The following UBTD1 variants were observed in gnomAD, a reference collection of about 807,000 sequenced individuals.
UBTD1 encodes ubiquitin domain-containing protein 1.
In UBTD1, 19 loss-of-function variants were observed where a neutral mutation model predicts 21.7. The observed-to-expected ratio is 0.87, with a 90% CI of 0.61 to 1.28. UBTD1 has a LOEUF of 1.28. Ranked by LOEUF, UBTD1 falls within the 50% of genes most tolerant of loss-of-function variation. UBTD1 has a pLI of 0.00. For missense variants in UBTD1, 282 were observed against 315.1 expected (o/e 0.89, Z 0.80); for synonymous variants, 116 against 135.1 (o/e 0.86, Z 0.98).
chr10:97,547,954 C>T (rs1374714148), intron 1 of UBTD1, among the ~76,000 whole-genome samples: 5 of 152,096 alleles, frequency 3.3e-5, no homozygotes, highest in South Asian at 2.1e-4. Flanking sequence ...ATTACTGACT[C>T]GGCTTGGTTA....
intron 1 of UBTD1, among the ~76,000 whole-genome samples, chr10:97,538,255 G>T (rs1182525455): frequency 6.6e-6 from 1 of 152,198 alleles, no homozygotes; most frequent in African/African-American, 2.4e-5. Flanking sequence ...ACTTTGGGAG[G>T]CTGAGGTGAG....
intron 1 of UBTD1, among the ~76,000 whole-genome samples, chr10:97,526,749 G>C (rs904546308): frequency 1.3e-5 from 2 of 151,680 alleles, no homozygotes; most frequent in African/African-American, 4.9e-5. Flanking sequence ...TACTTGGGAG[G>C]CTGAAGCAGG....
chr10:97,503,569 G>A (rs1446740942), intron 1 of UBTD1, among the ~76,000 whole-genome samples: 1 of 152,196 alleles, frequency 6.6e-6, no homozygotes, highest in East Asian at 1.9e-4. Flanking sequence ...AGCTCGGGGT[G>A]GACAGACCCA....
chr10:97,548,699 C>T (rs553791770), intron 1 of UBTD1, among the ~76,000 whole-genome samples: 1 of 152,302 alleles, frequency 6.6e-6, no homozygotes, highest in East Asian at 1.9e-4. Flanking sequence ...ATCACTTGAA[C>T]CCAGGAGGTG....
At chr10:97,505,017 T>C (rs2040392436) in intron 1 of UBTD1, among the ~76,000 whole-genome samples, 1 of 152,220 alleles carries the variant, frequency 6.6e-6, no homozygotes, top group East Asian at 1.9e-4. Flanking sequence ...CCATTTTATG[T>C]GTGCACCTAT....
In UBTD1 at chr10:97,543,416, G is replaced by C. The variant is rs769005112; in HGVS notation, c.71-24498G>C. Among the ~76,000 whole-genome samples the C allele has an allele frequency of 3.3e-5, 5 of 152,244 alleles. No homozygotes were observed. In the South Asian group the frequency reaches 8.3e-4, roughly 25 times the overall value. On this transcript the variant is annotated intron_variant, in intron 1 of 2. Coordinates refer to ENST00000370664, the MANE Select transcript of UBTD1 (RefSeq NM_024954.5). ...GTTGTTCCACAAACCCAGTGTTGTG[G>C]TCCTGAGCCATGCCACATGAAGGAG...
chr10:97,518,533 C>T (rs571326513), intron 1 of UBTD1, among the ~76,000 whole-genome samples: 1 of 152,330 alleles, frequency 6.6e-6, no homozygotes, highest in South Asian at 2.1e-4. Flanking sequence ...GTTCATTTTC[C>T]CTCCACGGAG....
intron 1 of UBTD1, among the ~76,000 whole-genome samples, chr10:97,528,542 C>T (rs1243079908): frequency 8.5e-5 from 8 of 94,518 alleles, no homozygotes; most frequent in Admixed American, 7.3e-4. Context: ...CCCAACCTCC[C>T]TCCCGGACGG....
intron 1 of UBTD1, among the ~76,000 whole-genome samples, chr10:97,500,824 C>T (rs899497214): frequency 6.6e-6 from 1 of 152,186 alleles, no homozygotes; most frequent in Non-Finnish European, 1.5e-5. Flanking sequence ...TGGGAATACC[C>T]CTATGCTTAA....
intron 1 of UBTD1, among the ~76,000 whole-genome samples, chr10:97,537,820 CTTTTTTTTT>C (rs57859135): frequency 1.8e-4 from 21 of 119,498 alleles, no homozygotes; most frequent in Non-Finnish European, 3.3e-4. Flanking sequence ...CAGGCTTTCT[CTTTTTTTTT>C]TTTTTTTTTT....
At chr10:97,536,948 G>C (rs1194924350) in intron 1 of UBTD1, among the ~76,000 whole-genome samples, 2 of 152,128 alleles carry the variant, frequency 1.3e-5, no homozygotes, top group African/African-American at 4.8e-5. Flanking sequence ...CTCCCTTGGA[G>C]GGGCTGACCT....
chr10:97,524,064 C>T (rs922480386), intron 1 of UBTD1, among the ~76,000 whole-genome samples: 5 of 152,274 alleles, frequency 3.3e-5, no homozygotes, highest in South Asian at 4.1e-4. Flanking sequence ...TTAAACCTGC[C>T]ATGGGCTCCG....
chr10:97,510,605 G>A (rs746818094), intron 1 of UBTD1, among the ~76,000 whole-genome samples: 7 of 152,044 alleles, frequency 4.6e-5, no homozygotes, highest in Non-Finnish European at 8.8e-5. Context: ...TACTATTCTC[G>A]CCATGCTTGA....
At chr10:97,537,344 G>T (rs981587932) in intron 1 of UBTD1, among the ~76,000 whole-genome samples, 7 of 152,178 alleles carry the variant, frequency 4.6e-5, no homozygotes, top group Non-Finnish European at 1.0e-4. Flanking sequence ...TGGGGGTCGG[G>T]TGGTAGGGGC....
intron 1 of UBTD1, among the ~76,000 whole-genome samples, chr10:97,518,242 G>A (rs2040452737): frequency 2.6e-5 from 4 of 152,182 alleles, no homozygotes; most frequent in Admixed American, 2.6e-4. Context: ...TGGGGGTTGA[G>A]GCGAGGACCT....
chr10:97,516,438 G>A (rs2040444518), intron 1 of UBTD1, among the ~76,000 whole-genome samples: 1 of 152,202 alleles, frequency 6.6e-6, no homozygotes, highest in South Asian at 2.1e-4. Context: ...TCGTTGACTG[G>A]GAGGCTGCCC....
At position 97,570,099 on chromosome 10, in the gene UBTD1, A is replaced by T; in HGVS notation, c.299-39A>T. ...CCAAACATTTAATCCATGATAGTGG[A>T]TCCCCAAGCTGACTCTGACAGCCCT... On this transcript the variant is annotated intron_variant, in intron 2 of 2. Coordinates refer to ENST00000370664, the MANE Select transcript of UBTD1 (RefSeq NM_024954.5). This position sits in a 1 kb window ranked among gnomAD's most constrained non-coding sequence, Gnocchi z 6.6. The T allele has an allele frequency of 1.9e-6, 3 of 1,563,602 alleles. No individual in the cohort carries two copies. Among genetic ancestry groups the T allele is most frequent in the Non-Finnish European group, 2.6e-6 (3 of 1,152,462 alleles).
At chr10:97,569,945 C>T (rs2040737092) in intron 2 of UBTD1, among the ~76,000 whole-genome samples, 193 bp from the exon 3 acceptor site, 1 of 151,928 alleles carries the variant, frequency 6.6e-6, no homozygotes, top group Non-Finnish European at 1.5e-5. Flanking sequence ...CCATTTTTCC[C>T]ATCAAGGGGT....
At chr10:97,560,521 AG>A (rs769126410) in intron 1 of UBTD1, among the ~76,000 whole-genome samples, 9 of 152,070 alleles carry the variant, frequency 5.9e-5, no homozygotes, top group Non-Finnish European at 1.2e-4. Flanking sequence ...GTGGAGGGGA[AG>A]GGGGTCTAAA....
Sources: gnomAD v4.1 joint callset for allele counts (sites outside exome capture counted in the v4.1 genomes callset) on GRCh38, gnomAD v4.1.1 for gene constraint, Gnocchi (gnomAD v3.1) non-coding constraint, MANE v1.5 for transcripts, NCBI Gene and HGNC (gene_info 2026-07-23, HGNC 2026-07-21) for gene names.